The following LIN54 variants were observed in gnomAD, a reference collection of about 807,000 sequenced individuals.
LIN54 encodes the protein lin-54 DREAM MuvB core complex component, also known as protein lin-54 homolog.
A neutral mutation model predicts 78.7 loss-of-function variants in LIN54; 9 were observed. The ratio of observed to expected loss-of-function variants is 0.11; its 90% CI spans 0.07 to 0.20. LIN54 has a LOEUF of 0.20. LIN54 is among the 10% of genes least tolerant of loss of function. The pLI is 1.00. For synonymous variants in LIN54, 269 were observed against 318.4 expected, an observed-to-expected ratio of 0.84 and a Z score of 1.65; for missense variants, 573 against 889.9, an observed-to-expected ratio of 0.64 and a Z score of 4.53.
In LIN54 at chr4:82,996,070, G is replaced by A. The variant is rs369110141; in HGVS notation, c.-32-11194C>T. Among the ~76,000 whole-genome samples the A allele has an allele frequency of 1.6e-4, 24 of 151,904 alleles. 1 individual carries two copies. Among genetic ancestry groups the A allele is most frequent in the African/African-American group, 5.1e-4 (21 of 41,488 alleles). On this transcript the variant is annotated intron_variant, in intron 1 of 12. Transcript: ENST00000340417. ...TGAGGCAGGAGAATTGCTTGAACCC[G>A]GGAGGCGGAGGTTGCGGTGAGCCGA...
At chr4:82,965,346 G>A (rs923596183) in intron 4 of LIN54, among the ~76,000 whole-genome samples, 7 of 152,110 alleles carry the variant, frequency 4.6e-5, no homozygotes, top group Non-Finnish European at 7.4e-5. Flanking sequence ...AAAGTAAATT[G>A]AGAAAACACT....
intron 3 of LIN54, among the ~76,000 whole-genome samples, chr4:82,976,350 T>TA (rs1174096085): frequency 1.3e-5 from 2 of 148,232 alleles, no homozygotes; most frequent in South Asian, 4.2e-4. Context: ...TAGAAAAAGA[T>TA]AGTCATCTTC....
chr4:82,957,654 G>A (rs1724438230), intron 4 of LIN54, among the ~76,000 whole-genome samples: 1 of 152,156 alleles, frequency 6.6e-6, no homozygotes. Flanking sequence ...CATACCCATA[G>A]AAAACCTTAG....
rs1728875967 is a variant in LIN54 at position 83,001,972 on chromosome 4, AAGGAAGGGAG to A, written c.-33+8502_-33+8511del. Reference sequence around the variant, plus strand: ...GAAGGAAGGAAGGAAGGAAGGAAGGAAGGAAGGGAGGGATCTTGGAGAAATTCAAGAGCTA... The same window carrying A: ...GAAGGAAGGAAGGAAGGAAGGAAGGAGGATCTTGGAGAAATTCAAGAGCTA... On this transcript the variant is annotated intron_variant, in intron 1 of 12. Transcript: ENST00000340417. Among the ~76,000 whole-genome samples, 2 of 22,768 alleles carry A rather than the reference AAGGAAGGGAG, an allele frequency of 8.8e-5. 1 individual carries two copies. The highest frequency in any genetic ancestry group is 2.6e-4 in the Non-Finnish European group (2 of 7,778). 14.9% of individuals were successfully genotyped at this position (22,768 alleles called of 152,430 possible).
At chr4:82,959,288 G>A (rs2126059593) in intron 4 of LIN54, among the ~76,000 whole-genome samples, 1 of 152,206 alleles carries the variant, frequency 6.6e-6, no homozygotes, top group East Asian at 1.9e-4. Flanking sequence ...GAGGCCAAGA[G>A]TTTGAGACCA....
In LIN54 at chr4:82,939,528, T is replaced by C. The variant is rs1271816132; in HGVS notation, c.1440+11A>G. Reference sequence around the variant, plus strand: ...CTTTTGCAATACAATGACTTCATTTTTTCCACATACCTGAGTAACATACTG... The same window carrying C: ...CTTTTGCAATACAATGACTTCATTTCTTCCACATACCTGAGTAACATACTG... On this transcript the variant is annotated intron_variant, in intron 7 of 12. Coordinates refer to ENST00000340417, the MANE Select transcript of LIN54 (RefSeq NM_194282.4). 13 of 1,610,962 alleles carry C rather than the reference T, an allele frequency of 8.1e-6. No homozygotes were observed. The highest frequency in any genetic ancestry group is 1.1e-5 in the Non-Finnish European group (13 of 1,177,036).
intron 1 of LIN54, among the ~76,000 whole-genome samples, chr4:82,991,504 T>C (rs1727704347): frequency 6.6e-6 from 1 of 152,208 alleles, no homozygotes; most frequent in African/African-American, 2.4e-5. Flanking sequence ...CTTTCCAATC[T>C]ACATGTTTTA....
At chr4:82,952,864 C>CA (rs1723953346) in intron 4 of LIN54, among the ~76,000 whole-genome samples, 1 of 151,974 alleles carries the variant, frequency 6.6e-6, no homozygotes, top group Admixed American at 6.6e-5. Context: ...ATGCCCATCA[C>CA]AAAAAGACAA....
Position 82,925,092 on chromosome 4 carries a change from T to C in LIN54, c.*3010A>G, listed in dbSNP as rs935386906. The C allele has an allele frequency of 2.6e-5, 4 of 152,606 alleles. No homozygotes were observed. The highest frequency in any genetic ancestry group is 4.4e-5 in the Non-Finnish European group (3 of 68,030). The allele number at this position is 152,606 out of a possible 1,614,324, so 9.5% of individuals were successfully genotyped here. ...GTACCTGTAACATTAAGGTTCTGTT[T>C]CCCAGACCCCAGAGATAAGACCTAC... On this transcript the variant is annotated 3_prime_UTR_variant, in exon 13 of 13. Coordinates refer to ENST00000340417, the MANE Select transcript of LIN54 (RefSeq NM_194282.4).
chr4:82,972,345 A>G (rs1022688990), intron 3 of LIN54, among the ~76,000 whole-genome samples: 8 of 152,126 alleles, frequency 5.3e-5, no homozygotes, highest in African/African-American at 1.9e-4. Context: ...TTTCAATACA[A>G]TTTTCAAAAT....
intron 1 of LIN54, among the ~76,000 whole-genome samples, chr4:83,003,777 C>T (rs1386024496): frequency 2.0e-5 from 3 of 152,158 alleles, no homozygotes; most frequent in Non-Finnish European, 4.4e-5. Context: ...CCACCCACCT[C>T]GGCCTCACAG....
chr4:82,974,213 A>AC (rs576151231), intron 3 of LIN54, among the ~76,000 whole-genome samples: 93 of 151,946 alleles, frequency 6.1e-4, no homozygotes, highest in Non-Finnish European at 1.2e-3. Flanking sequence ...CCCTCTCAAA[A>AC]AAACAAACAA....
In LIN54 at chr4:82,940,050, T is replaced by G; in HGVS notation, c.1169-88A>C. The G allele has an allele frequency of 4.5e-6, 4 of 894,546 alleles. No individual in the cohort carries two copies. The South Asian group carries it at 6.5e-5, about 15-fold the overall frequency. 55.4% of individuals were successfully genotyped at this position (894,546 alleles called of 1,614,324 possible). ...AAGAATACTTAGCTCTCCCAAGTTA[T>G]TCTCATAAAAGAGCTTAAAGAATTC... is the stretch of plus-strand genomic sequence containing the variant. On this transcript the variant is annotated intron_variant, in intron 5 of 12. Coordinates refer to ENST00000340417, the MANE Select transcript of LIN54 (RefSeq NM_194282.4).
chr4:82,977,894 T>TA (rs1409381246), intron 3 of LIN54, among the ~76,000 whole-genome samples: 2 of 152,156 alleles, frequency 1.3e-5, no homozygotes, highest in East Asian at 1.9e-4. Context: ...TGCTTTTCTC[T>TA]AAAAAACTTG....
At chr4:82,998,690 G>C (rs1003463324) in intron 1 of LIN54, among the ~76,000 whole-genome samples, 4 of 151,912 alleles carry the variant, frequency 2.6e-5, no homozygotes, top group African/African-American at 9.7e-5. Context: ...TCTTTGAACA[G>C]GGTCCACTTA....
At chr4:82,936,758 C>T (rs77061570) in intron 9 of LIN54, among the ~76,000 whole-genome samples, 2 of 152,190 alleles carry the variant, frequency 1.3e-5, no homozygotes, top group Admixed American at 6.5e-5. Context: ...AATAGTTGAA[C>T]TGGCTCATCT....
In LIN54 at chr4:83,000,827, C is replaced by CTTT. The variant is rs1553959274; in HGVS notation, c.-33+9654_-33+9656dup. ...GCCATCAAGCCCAAAGCAATAAATT[C>CTTT]TTTTTTTTTTTTTGGAGATAGAGTC... On this transcript the variant is annotated intron_variant, in intron 1 of 12. Transcript: ENST00000340417. 1.3e-3 allele frequency among the ~76,000 whole-genome samples: 162 copies of CTTT among 120,542 alleles called. 4 individuals are homozygous for CTTT. Among genetic ancestry groups the CTTT allele is most frequent in the African/African-American group, 4.6e-3 (143 of 30,980 alleles). 79.1% of individuals were successfully genotyped at this position (120,542 alleles called of 152,430 possible).
At chr4:82,961,206 A>G (rs992034800) in intron 4 of LIN54, among the ~76,000 whole-genome samples, 3 of 152,218 alleles carry the variant, frequency 2.0e-5, no homozygotes, top group Non-Finnish European at 4.4e-5. Flanking sequence ...CATTTTAACA[A>G]AAGATGATTA....
intron 4 of LIN54, among the ~76,000 whole-genome samples, chr4:82,957,405 CTCT>C (rs1187588987): frequency 1.4e-5 from 2 of 145,346 alleles, no homozygotes; most frequent in African/African-American, 5.0e-5. Context: ...TTTATTAAAT[CTCT>C]TGTCTCAGAA....
Sources: allele counts gnomAD v4.1 joint callset (sites outside exome capture counted in the v4.1 genomes callset), GRCh38; gene constraint gnomAD v4.1.1; transcripts MANE v1.5; gene names NCBI Gene and HGNC (gene_info 2026-07-23, HGNC 2026-07-21).